The following PPP1R12C variants were observed in gnomAD, a reference collection of about 807,000 sequenced individuals.
PPP1R12C encodes protein phosphatase 1 regulatory subunit 12C.
A neutral mutation model predicts 95.6 loss-of-function variants in PPP1R12C; 48 were observed. The ratio of observed to expected loss-of-function variants is 0.50; its 90% CI spans 0.40 to 0.64. PPP1R12C has a LOEUF of 0.64. Ranked by LOEUF, PPP1R12C falls within the 30% of genes least tolerant of loss-of-function variation. The pLI is 0.00. For synonymous variants in PPP1R12C, 480 were observed against 460.8 expected, an observed-to-expected ratio of 1.04 and a Z score of -0.53; for missense variants, 1,057 against 1,083.3, an observed-to-expected ratio of 0.98 and a Z score of 0.34.
At position 55,093,067 on chromosome 19, in the gene PPP1R12C, G is replaced by A. The variant is rs1168804316; in HGVS notation, c.1774C>T (p.Arg592Ter). The change falls in exon 15 of 22, where the codon CGA becomes TGA. Residue 592 changes from arginine (R) to a stop codon, truncating the protein, a stop_gained. Transcript: ENST00000263433. LOFTEE classifies it high-confidence loss of function. ...TCCACTCCAGGGACGCGGGGCCTTCGGGAAGGGTCCTGTCGGGAGGGGGAG... is the reference window on the plus strand; with the variant it reads ...TCCACTCCAGGGACGCGGGGCCTTCAGGAAGGGTCCTGTCGGGAGGGGGAG... ...EKPAQSLDPSRRPRVPGVENS... is the reference protein window; with the variant it reads ...EKPAQSLDPS 1 of 1,604,788 alleles carries A rather than the reference G, an allele frequency of 6.2e-7. No individual in the cohort carries two copies. Among genetic ancestry groups the A allele is most frequent in the South Asian group, 1.1e-5 (1 of 90,012 alleles).
At chr19:55,092,371 C>T in intron 18 of PPP1R12C, 45 bp from the exon 19 acceptor site, 2 of 1,255,816 alleles carry the variant, frequency 1.6e-6, no homozygotes, top group South Asian at 1.2e-5. Context: ...TGGGGCGATG[C>T]TGGGGGGGCG....
rs1235730350 is a variant in PPP1R12C, at chr19:55,092,773, A to G, written c.1911+10T>C. On this transcript the variant is annotated intron_variant, in intron 16 of 21. Coordinates refer to ENST00000263433, the MANE Select transcript of PPP1R12C (RefSeq NM_017607.4). Reference sequence around the variant, plus strand: ...CTCTGCACCAGCTCGGCCCCACCTGAGCCCCTCACCTCCGCAGGCCCCCTC... The same window carrying G: ...CTCTGCACCAGCTCGGCCCCACCTGGGCCCCTCACCTCCGCAGGCCCCCTC... The G allele has an allele frequency of 6.5e-7, 1 of 1,548,614 alleles. No individual in the cohort carries two copies. The highest frequency in any genetic ancestry group is 8.7e-7 in the Non-Finnish European group (1 of 1,145,796).
At position 55,091,356 on chromosome 19, in the gene PPP1R12C, G is replaced by A; in HGVS notation, c.*116C>T. On this transcript the variant is annotated 3_prime_UTR_variant, in exon 22 of 22. Transcript: ENST00000263433. ...CCTCCCAGTCCGGAGGTCCCAGGGG[G>A]GCTATGGCTTCTCTGAGACTTCCCC... 3.6e-6 allele frequency: 4 copies of A among 1,100,654 alleles called. No homozygotes were observed. The highest frequency in any genetic ancestry group is 5.2e-5 in the East Asian group (2 of 38,658). The allele number at this position is 1,100,654 out of a possible 1,614,324, so 68.2% of individuals were successfully genotyped here.
At position 55,112,453 on chromosome 19, in the gene PPP1R12C, A is replaced by G; in HGVS notation, c.571+14T>C. 6.2e-7 allele frequency: 1 copy of G among 1,606,838 alleles called. No homozygotes were observed. Among genetic ancestry groups the G allele is most frequent in the Non-Finnish European group, 8.5e-7 (1 of 1,178,172 alleles). ...AGGTGTCCCCCACCCCACACACAGC[A>G]CACCAGAGCCCACCTCGGCGGGCGA... On this transcript the variant is annotated intron_variant, in intron 3 of 21. Coordinates refer to ENST00000263433, the MANE Select transcript of PPP1R12C (RefSeq NM_017607.4).
In PPP1R12C at chr19:55,092,554, G is replaced by C. The variant is rs1455354094; in HGVS notation, c.1953-10C>G. ...GCCGCCCTCCAGGGTGCTGGGGCAG[G>C]GGAGGAGCGCGCGTCAGGGGCCGGC... On this transcript the variant is annotated splice_polypyrimidine_tract_variant and intron_variant, in intron 17 of 21. Coordinates refer to ENST00000263433, the MANE Select transcript of PPP1R12C (RefSeq NM_017607.4). The C allele has an allele frequency of 1.3e-6, 2 of 1,593,060 alleles. No homozygotes were observed. Among genetic ancestry groups the C allele is most frequent in the Non-Finnish European group, 1.7e-6 (2 of 1,170,470 alleles).
chr19:55,092,428 G>T lies in PPP1R12C; in HGVS notation c.2055+14C>A. ...CCCAGCAGGCAAAGCCCCGACGGAG[G>T]GGTGGGATCGCACCGTCCTAAAGCC... On this transcript the variant is annotated intron_variant, in intron 18 of 21. Transcript: ENST00000263433. 2 of 1,600,538 alleles carry T rather than the reference G, an allele frequency of 1.2e-6. No homozygotes were observed. The highest frequency in any genetic ancestry group is 2.3e-5 in the East Asian group (1 of 44,232).
chr19:55,091,669 T>C lies in PPP1R12C; in HGVS notation c.2243A>G (p.Glu748Gly), dbSNP rs1474954875. ...CCCCACCTTCAGCTCCTCCTCCAGC[T>C]CTGCGGCCTTGCGTTCCAGGGCCCT... Reference protein sequence around the residue: ...ERRALERKAAELEEELKALSD... With the variant: ...ERRALERKAAGLEEELKALSD... Residue 748 changes from glutamate to glycine, a missense_variant, in exon 21 of 22, where the codon GAG becomes GGG. Glu to Gly is a moderately conservative substitution (Grantham distance 98, BLOSUM62 -2). Coordinates refer to ENST00000263433, the MANE Select transcript of PPP1R12C (RefSeq NM_017607.4). The C allele has an allele frequency of 5.6e-6, 9 of 1,597,932 alleles. No individual in the cohort carries two copies. In the Admixed American group the frequency reaches 1.5e-4, roughly 27 times the overall value.
intron 6 of PPP1R12C, among the ~76,000 whole-genome samples, chr19:55,097,220 A>G (rs34518030): frequency 1.6e-5 from 1 of 61,882 alleles, no homozygotes; most frequent in African/African-American, 6.6e-5. Flanking sequence ...CACCGTCTTC[A>G]CACCTTCCCC....
At chr19:55,111,645 A>AGCCGACGGG in intron 3 of PPP1R12C, 1 of 151,156 alleles carries the variant, frequency 6.6e-6, no homozygotes, top group Non-Finnish European at 1.5e-5. Context: ...CCGTCAGGAC[A>AGCCGACGGG]GCCGCGTCAG....
intron 19 of PPP1R12C, 42 bp downstream of exon 19, chr19:55,092,180 C>T (rs1390790774): frequency 4.7e-6 from 7 of 1,499,152 alleles, no homozygotes; most frequent in Non-Finnish European, 5.4e-6. Context: ...CCCACCCAGG[C>T]GGCCCTGCCA....
chr19:55,095,201 G>A lies in PPP1R12C; in HGVS notation c.1454+90C>T. ...GTGGCGGCAGGAACCAGACCCCAGG[G>A]GGTACATGGTCTCACTCAGGATCAC... On this transcript the variant is annotated intron_variant, in intron 11 of 21. Coordinates refer to ENST00000263433, the MANE Select transcript of PPP1R12C (RefSeq NM_017607.4). The A allele has an allele frequency of 8.0e-6, 11 of 1,381,566 alleles. No individual in the cohort carries two copies. The South Asian group carries it at 1.4e-4, about 17-fold the overall frequency. 85.6% of individuals were successfully genotyped at this position (1,381,566 alleles called of 1,614,324 possible).
At chr19:55,110,369 G>A (rs1043630854) in intron 3 of PPP1R12C, among the ~76,000 whole-genome samples, 2 of 141,854 alleles carry the variant, frequency 1.4e-5, no homozygotes, top group African/African-American at 5.5e-5. Flanking sequence ...GGGTGAGAGT[G>A]TAGCATCAAG....
intron 3 of PPP1R12C, among the ~76,000 whole-genome samples, chr19:55,107,474 T>C (rs1056925101): frequency 2.0e-5 from 3 of 152,074 alleles, no homozygotes; most frequent in Non-Finnish European, 2.9e-5. Flanking sequence ...AATGATAGAC[T>C]GGATTAAGAA....
At chr19:55,111,582 C>T (rs1486679451) in intron 3 of PPP1R12C, 1 of 152,142 alleles carries the variant, frequency 6.6e-6, no homozygotes, top group Non-Finnish European at 1.5e-5. Flanking sequence ...GCATGGCTCT[C>T]GTGGACCCCT....
intron 4 of PPP1R12C, among the ~76,000 whole-genome samples, chr19:55,100,404 G>C (rs1427067044): frequency 2.0e-5 from 3 of 152,246 alleles, no homozygotes; most frequent in Non-Finnish European, 4.4e-5. Flanking sequence ...TGCATGGGAC[G>C]GCCCCGCAGC....
chr19:55,117,421 C>A lies in PPP1R12C; in HGVS notation c.123G>T (p.Glu41Asp). ...CGAAGCGGACGGTGCGGGCGCGGCG[C>A]TCTCCGGGGCCAGGCTCGGCGCCCG... Reference protein sequence around the residue: ...ARAGAEPGPGERRARTVRFER... With the variant: ...ARAGAEPGPGDRRARTVRFER... The change falls in exon 1 of 22, where the codon GAG becomes GAT. Residue 41 changes from glutamate (E) to aspartate (D), a missense_variant. Glu to Asp is a conservative substitution (Grantham distance 45). Coordinates refer to ENST00000263433, the MANE Select transcript of PPP1R12C (RefSeq NM_017607.4). 9.9e-7 allele frequency: 1 copy of A among 1,010,846 alleles called. No homozygotes were observed. The highest frequency in any genetic ancestry group is 1.2e-6 in the Non-Finnish European group (1 of 848,618). 62.6% of individuals were successfully genotyped at this position (1,010,846 alleles called of 1,614,324 possible).
chr19:55,103,004 C>T (rs1330621999), intron 4 of PPP1R12C, among the ~76,000 whole-genome samples: 2 of 151,976 alleles, frequency 1.3e-5, no homozygotes, highest in Non-Finnish European at 2.9e-5. Flanking sequence ...GAGTTCGAGA[C>T]AAGCCTGGGC....
intron 1 of PPP1R12C, 89 bp from the exon 2 acceptor site, chr19:55,112,884 T>C: frequency 6.5e-7 from 1 of 1,548,914 alleles, no homozygotes; most frequent in Non-Finnish European, 8.8e-7. Flanking sequence ...CGAAAACAGA[T>C]CCAGGGACAC....
In PPP1R12C at chr19:55,103,524, G is replaced by A; in HGVS notation, c.616C>T (p.Leu206Phe). The change falls in exon 4 of 22, where the codon CTT (leucine) becomes TTT (phenylalanine). Residue 206 changes from leucine (L) to phenylalanine (F), a missense_variant. Physicochemically the swap from Leu to Phe is conservative, Grantham distance 22. Transcript: ENST00000263433. ...TTCAGCCAGCACCTCGTGTCATGAA[G>A]GAGCAATTCCTCTTCTGCCCGCTTG... is the stretch of plus-strand genomic sequence containing the variant. ...AAKRAEEELL[L>F]HDTRCWLNGG... 1 of 1,601,144 alleles carries A rather than the reference G, an allele frequency of 6.2e-7. No individual in the cohort carries two copies. Among genetic ancestry groups the A allele is most frequent in the African/African-American group, 1.3e-5 (1 of 74,606 alleles).
Sources: allele counts gnomAD v4.1 joint callset (sites outside exome capture counted in the v4.1 genomes callset), GRCh38; gene constraint gnomAD v4.1.1; transcripts MANE v1.5; gene names NCBI Gene and HGNC (gene_info 2026-07-23, HGNC 2026-07-21).